The following PRIM2 variants were observed in gnomAD, a reference collection of about 807,000 sequenced individuals.
PRIM2 encodes the protein DNA primase large subunit.
PRIM2 carries 39 observed loss-of-function variants against 67.3 expected under a neutral mutation model. The ratio of observed to expected loss-of-function variants is 0.58; its 90% confidence interval spans 0.45 to 0.76. The LOEUF (loss-of-function observed/expected upper bound fraction) is 0.76. Ranked by LOEUF, PRIM2 falls within the 30% of genes least tolerant of loss-of-function variation. The probability of loss-of-function intolerance (pLI) is 0.00; values close to 1 mark genes in which losing one functional copy is unlikely to be tolerated. For synonymous variants in PRIM2, 143 were observed against 198.7 expected (o/e 0.72, Z 2.36); for missense variants, 398 against 598.7 (o/e 0.66, Z 3.50).
chr6:57,518,823 AG>A (rs1774543283), intron 8 of PRIM2, among the ~76,000 whole-genome samples: 12 of 152,332 alleles, frequency 7.9e-5, no homozygotes, highest in African/African-American at 2.9e-4. Context: ...TGGAGGACAG[AG>A]AGTACTTTCT....
intron 5 of PRIM2, among the ~76,000 whole-genome samples, chr6:57,336,739 C>G (rs1038333374): frequency 6.6e-6 from 1 of 152,156 alleles, no homozygotes; most frequent in African/African-American, 2.4e-5. Context: ...CAACTGGTAC[C>G]AGCCACTGCA....
At chr6:57,581,220 C>G (rs1271980189) in intron 10 of PRIM2, among the ~76,000 whole-genome samples, 1 of 152,096 alleles carries the variant, frequency 6.6e-6, no homozygotes, top group Non-Finnish European at 1.5e-5. Flanking sequence ...TTTATTCAAG[C>G]TGAGCCAACT....
chr6:57,424,810 A>G (rs1771568327), intron 7 of PRIM2, among the ~76,000 whole-genome samples: 1 of 152,214 alleles, frequency 6.6e-6, no homozygotes, highest in Admixed American at 6.5e-5. Flanking sequence ...GTCATTGCAA[A>G]TAAGTTATAT....
At chr6:57,427,701 ATTG>A (rs1212567446) in intron 7 of PRIM2, among the ~76,000 whole-genome samples, 1 of 151,976 alleles carries the variant, frequency 6.6e-6, no homozygotes, top group Admixed American at 6.6e-5. Flanking sequence ...TTGGGGGGAG[ATTG>A]TTGTTTATTT....
At chr6:57,638,311 G>A (rs1343318700) in intron 13 of PRIM2, among the ~76,000 whole-genome samples, 1 of 152,050 alleles carries the variant, frequency 6.6e-6, no homozygotes, top group Non-Finnish European at 1.5e-5. Flanking sequence ...AAATTCTAAA[G>A]ACTGTCGACA....
rs1483741532 is a variant in PRIM2 at position 57,507,335 on chromosome 6, T to A, written c.694-52T>A. 10 of 1,267,464 alleles carry A rather than the reference T, an allele frequency of 7.9e-6. No individual in the cohort carries two copies. In the African/African-American group the frequency reaches 1.3e-4, roughly 16 times the overall value. 78.5% of individuals were successfully genotyped at this position (1,267,464 alleles called of 1,614,324 possible). ...TCGTTTTACATTTAGTATTCAAATA[T>A]GTTCGGTGTTCGGCCTTTGCTGTTT... On this transcript the variant is annotated intron_variant, in intron 7 of 13. Coordinates refer to ENST00000615550, the MANE Select transcript of PRIM2 (RefSeq NM_000947.5).
At chr6:57,549,351 G>T (rs1775354488) in intron 10 of PRIM2, among the ~76,000 whole-genome samples, 2 of 152,200 alleles carry the variant, frequency 1.3e-5, no homozygotes, top group South Asian at 4.1e-4. Context: ...GGTGGCACAT[G>T]ATCAAACCTG....
At chr6:57,614,722 C>T (rs1377900619) in intron 12 of PRIM2, among the ~76,000 whole-genome samples, 3,613 of 113,416 alleles carry the variant, frequency 0.032, no homozygotes, top group African/African-American at 0.069. Flanking sequence ...TGCTAGCGGG[C>T]GCCTGTAGTC....
At chr6:57,462,264 C>G (rs1773033639) in intron 7 of PRIM2, among the ~76,000 whole-genome samples, 1 of 152,184 alleles carries the variant, frequency 6.6e-6, no homozygotes, top group Non-Finnish European at 1.5e-5. Context: ...GAAATCCTAT[C>G]TCTACAAAAA....
chr6:57,420,831 G>A (rs953474914), intron 7 of PRIM2, among the ~76,000 whole-genome samples: 1 of 152,130 alleles, frequency 6.6e-6, no homozygotes, highest in African/African-American at 2.4e-5. Context: ...TTTTGGACAT[G>A]TTTACTTTGA....
At chr6:57,457,252 G>A (rs1327174153) in intron 7 of PRIM2, among the ~76,000 whole-genome samples, 1 of 152,232 alleles carries the variant, frequency 6.6e-6, no homozygotes. Context: ...CACTTGAGTA[G>A]GCAGTCTTTC....
chr6:57,371,175 A>C (rs1769546181), intron 5 of PRIM2, among the ~76,000 whole-genome samples: 1 of 151,204 alleles, frequency 6.6e-6, no homozygotes, highest in African/African-American at 2.4e-5. Context: ...CCAAGGCAGA[A>C]GACTATTTGG....
At chr6:57,424,451 T>C (rs1399966439) in intron 7 of PRIM2, among the ~76,000 whole-genome samples, 2 of 152,194 alleles carry the variant, frequency 1.3e-5, no homozygotes, top group Non-Finnish European at 2.9e-5. Flanking sequence ...GGAAAAGATA[T>C]GAGCAAATGC....
At chr6:57,469,410 GAACA>G (rs1181363087) in intron 7 of PRIM2, among the ~76,000 whole-genome samples, 26 of 152,218 alleles carry the variant, frequency 1.7e-4, no homozygotes, top group Non-Finnish European at 3.5e-4. Flanking sequence ...ATTACAATGA[GAACA>G]GACAGTGACA....
chr6:57,601,166 T>G lies in PRIM2; in HGVS notation c.1094T>G (p.Phe365Cys). 3 of 1,612,730 alleles carry G rather than the reference T, an allele frequency of 1.9e-6. No individual in the cohort carries two copies. Among genetic ancestry groups the G allele is most frequent in the Non-Finnish European group, 2.5e-6 (3 of 1,179,126 alleles). ...GGCAAGAGGACAGACTATACACCTT[T>G]CAGTTGCCTGAAGATTATTCTGTCC... is the stretch of plus-strand genomic sequence containing the variant. The part of the protein sequence containing the change: ...KEGKRTDYTP[F>C]SCLKIILSNP... Residue 365 changes from phenylalanine (F) to cysteine (C), a missense_variant, in exon 11 of 14, where the codon TTC becomes TGC. This residue lies in a region of PRIM2 where 229 missense variants were observed against 383.6 expected (regional missense o/e 0.60). Coordinates refer to ENST00000615550, the MANE Select transcript of PRIM2 (RefSeq NM_000947.5).
At chr6:57,402,125 A>G (rs1335862480) in intron 7 of PRIM2, among the ~76,000 whole-genome samples, 2 of 152,152 alleles carry the variant, frequency 1.3e-5, no homozygotes, top group African/African-American at 2.4e-5. Flanking sequence ...CCACTTTTCC[A>G]TAGGGCTGCT....
chr6:57,515,397 A>G (rs1774461788), intron 8 of PRIM2, among the ~76,000 whole-genome samples: 1 of 152,202 alleles, frequency 6.6e-6, no homozygotes, highest in Non-Finnish European at 1.5e-5. Context: ...GATCAGATGG[A>G]GATAAGAACA....
chr6:57,434,725 T>A (rs545924978), intron 7 of PRIM2, among the ~76,000 whole-genome samples: 1 of 152,130 alleles, frequency 6.6e-6, no homozygotes, highest in Non-Finnish European at 1.5e-5. Flanking sequence ...GAAAGTGTAG[T>A]GTATTTTTTA....
intron 7 of PRIM2, among the ~76,000 whole-genome samples, chr6:57,419,023 G>A (rs555022263): frequency 6.6e-6 from 1 of 152,270 alleles, no homozygotes; most frequent in South Asian, 2.1e-4. Context: ...ACTTTATTGA[G>A]TTGTTCAGAG....
Sources: allele counts gnomAD v4.1 joint callset (sites outside exome capture counted in the v4.1 genomes callset), GRCh38; gene constraint gnomAD v4.1.1; regional missense constraint gnomAD v4.1.1; transcripts MANE v1.5; gene names NCBI Gene and HGNC (gene_info 2026-07-23, HGNC 2026-07-21).